Variants in ERGIC3 observed in about 807,000 individuals in gnomAD.
The protein encoded by ERGIC3 is endoplasmic reticulum-Golgi intermediate compartment protein 3.
In ERGIC3, 33 loss-of-function variants were observed where a neutral mutation model predicts 54.7. That is an observed-to-expected ratio of 0.60 (90% confidence interval 0.46 to 0.81). ERGIC3 has a LOEUF of 0.81. Among genes scored for constraint, ERGIC3 ranks in the 30% least tolerant of loss-of-function variants. The pLI, the probability that ERGIC3 is intolerant of heterozygous loss-of-function variation, is 0.00. For synonymous variants in ERGIC3, 186 were observed against 189.8 expected, an observed-to-expected ratio of 0.98 and a Z score of 0.16; for missense variants, 399 against 488.4, an observed-to-expected ratio of 0.82 and a Z score of 1.73.
chr20:35,557,320 G>C lies in ERGIC3; in HGVS notation c.1072+71G>C, dbSNP rs552186319. 3.4e-5 allele frequency: 54 copies of C among 1,611,324 alleles called. 1 individual carries two copies. In the East Asian group the frequency reaches 7.1e-4, roughly 21 times the overall value. ...AGCCTGGGTGCCCCAGGTTTGGTTGGGGGTGAAGGGGCAGATGCTGGCCTG... is the reference window on the plus strand; with the variant it reads ...AGCCTGGGTGCCCCAGGTTTGGTTGCGGGTGAAGGGGCAGATGCTGGCCTG... On this transcript the variant is annotated intron_variant, in intron 12 of 12. Transcript: ENST00000348547.
intron 6 of ERGIC3, 49 bp downstream of exon 6, chr20:35,548,723 T>C: frequency 1.2e-6 from 2 of 1,614,052 alleles, no homozygotes; most frequent in Non-Finnish European, 1.7e-6. Flanking sequence ...CTGGGCAAGC[T>C]CCACTGGGAA....
At chr20:35,542,801 G>A (rs55698599) in intron 3 of ERGIC3, 21 bp from the exon 4 acceptor site, 4 of 1,613,880 alleles carry the variant, frequency 2.5e-6, no homozygotes, top group Non-Finnish European at 3.4e-6. Context: ...CAGTACCTTA[G>A]CCTGATTTTC....
intron 4 of ERGIC3, chr20:35,544,004 G>T: frequency 3.6e-6 from 1 of 273,974 alleles, no homozygotes; most frequent in Non-Finnish European, 7.2e-6. Context: ...ATGGGGCACT[G>T]AAGAATCTAC....
intron 5 of ERGIC3, among the ~76,000 whole-genome samples, chr20:35,548,044 A>G (rs1302289807): frequency 4.6e-5 from 7 of 152,118 alleles, no homozygotes; most frequent in Non-Finnish European, 2.9e-5. Flanking sequence ...GTGGGAAAAT[A>G]TGTGACATAA....
chr20:35,551,856 G>C (rs368713218), intron 7 of ERGIC3, among the ~76,000 whole-genome samples: 4 of 152,180 alleles, frequency 2.6e-5, no homozygotes, highest in Non-Finnish European at 5.9e-5. Context: ...GGGAGGGAAT[G>C]GGGGAGGAGT....
chr20:35,548,993 A>C, intron 7 of ERGIC3, 128 bp downstream of exon 7: 2 of 1,118,476 alleles, frequency 1.8e-6, no homozygotes, highest in Non-Finnish European at 2.7e-6. Flanking sequence ...CCTTCATCTC[A>C]GGGCAGCAGT....
intron 4 of ERGIC3, among the ~76,000 whole-genome samples, chr20:35,546,692 G>A (rs1418908634): frequency 2.0e-5 from 3 of 152,190 alleles, no homozygotes; most frequent in Non-Finnish European, 4.4e-5. Flanking sequence ...AAGTGAGGAC[G>A]TGATAGTGTC....
intron 4 of ERGIC3, chr20:35,545,293 C>T (rs569233874): frequency 2.0e-5 from 3 of 152,198 alleles, no homozygotes; most frequent in South Asian, 2.1e-4. Flanking sequence ...CATGGTGGCT[C>T]ACGCCTGTAG....
intron 7 of ERGIC3, among the ~76,000 whole-genome samples, chr20:35,552,341 G>A (rs1017509518): frequency 6.6e-6 from 1 of 152,170 alleles, no homozygotes; most frequent in African/African-American, 2.4e-5. Flanking sequence ...TGCGTGGACT[G>A]GGGAGATTGA....
rs771440518 is a variant in ERGIC3, at chr20:35,557,412, G to C, written c.1073-13G>C. ...CCCCACTGGGCCAGTGCCAGCCCTT[G>C]TCTCTCTCCCAGTGGCTGGACTCAT... On this transcript the variant is annotated splice_polypyrimidine_tract_variant and intron_variant, in intron 12 of 12. Coordinates refer to ENST00000348547, the MANE Select transcript of ERGIC3 (RefSeq NM_015966.3). The C allele has an allele frequency of 2.5e-6, 4 of 1,613,920 alleles. No homozygotes were observed. The South Asian group carries it at 4.4e-5, about 18-fold the overall frequency.
chr20:35,549,120 G>GT (rs1171433063), intron 7 of ERGIC3: 2 of 529,576 alleles, frequency 3.8e-6, no homozygotes, highest in Non-Finnish European at 7.0e-6. Flanking sequence ...TTTGACTCCT[G>GT]TTTTCTACTT....
chr20:35,554,258 G>A (rs2064699120), intron 7 of ERGIC3: 7 of 1,375,380 alleles, frequency 5.1e-6, no homozygotes, highest in Non-Finnish European at 7.3e-6. Flanking sequence ...GGGCCAGACT[G>A]TGTTGCTGAG....
chr20:35,548,858 T>C lies in ERGIC3; in HGVS notation c.678T>C (p.His226=), dbSNP rs754049984. The C allele has an allele frequency of 1.9e-6, 3 of 1,614,202 alleles. No homozygotes were observed. The highest frequency in any genetic ancestry group is 1.7e-5 in the Admixed American group (1 of 60,024). ...CTGGGAAGAGCTTCCAGCAGTCCCA[T>C]GTGCACGGTGAGTGATCTGCACTAG... is the stretch of plus-strand genomic sequence containing the variant. ...FAPGKSFQQS[H]VHVHDLQSFG... The change falls in exon 7 of 13, where the codon CAT becomes CAC. Residue 226 remains histidine, a synonymous_variant. Transcript: ENST00000348547.
At position 35,556,085 on chromosome 20, in the gene ERGIC3, G is replaced by T; in HGVS notation, c.770G>T (p.Gly257Val). The change falls in exon 9 of 13, where the codon GGC becomes GTC. Residue 257 changes from glycine (G) to valine (V), a missense_variant. Physicochemically the swap from Gly to Val is moderately radical, Grantham distance 109. Transcript: ENST00000348547. ...QHLSFGEDYP[G>V]IVNPLDHTNV... ...CTGTCATTTGGGGAGGACTATCCAG[G>T]CATTGTGAACCCCCTGGACCACACC... 1 of 1,614,150 alleles carries T rather than the reference G, an allele frequency of 6.2e-7. No homozygotes were observed. The highest frequency in any genetic ancestry group is 8.5e-7 in the Non-Finnish European group (1 of 1,180,030).
intron 5 of ERGIC3, 145 bp from the exon 6 acceptor site, chr20:35,548,364 A>G (rs1404879499): frequency 1.2e-6 from 1 of 843,394 alleles, no homozygotes; most frequent in Admixed American, 3.2e-5. Flanking sequence ...CACTGAGGAA[A>G]CACATTTGGA....
At chr20:35,553,175 T>TTTTC in intron 7 of ERGIC3, among the ~76,000 whole-genome samples, 1 of 146,010 alleles carries the variant, frequency 6.8e-6, no homozygotes, top group East Asian at 2.0e-4. Flanking sequence ...TGGCTAATTT[T>TTTTC]TTTTTTTTTT....
intron 2 of ERGIC3, 27 bp downstream of exon 2, chr20:35,542,420 C>CGGGGCTTGGCATTCTAGGAGTA: frequency 6.2e-7 from 1 of 1,613,214 alleles, no homozygotes; most frequent in Non-Finnish European, 8.5e-7. Flanking sequence ...AGTGCGTGGG[C>CGGGGCTTGGCATTCTAGGAGTA]GGGGCTTGGC....
chr20:35,543,965 C>T (rs2064631689), intron 4 of ERGIC3: 2 of 316,730 alleles, frequency 6.3e-6, no homozygotes, highest in African/African-American at 4.3e-5. Flanking sequence ...ATTAGGGTAT[C>T]TCACGAGGTT....
At chr20:35,556,545 C>T in intron 10 of ERGIC3, 1 of 526,414 alleles carries the variant, frequency 1.9e-6, no homozygotes, top group South Asian at 2.1e-5. Flanking sequence ...TCTCTGTGGT[C>T]TGCCTGGGCT....
Sources: gnomAD v4.1 joint callset for allele counts (sites outside exome capture counted in the v4.1 genomes callset) on GRCh38, gnomAD v4.1.1 for gene constraint, MANE v1.5 for transcripts, NCBI Gene and HGNC (gene_info 2026-07-23, HGNC 2026-07-21) for gene names.